Variants in RBFOX3 observed in about 807,000 individuals in gnomAD.
RBFOX3 encodes RNA binding protein fox-1 homolog 3.
Under a neutral mutation model 48.7 loss-of-function variants are expected in RBFOX3, and 17 were observed. That is an observed-to-expected ratio of 0.35 (90% CI 0.24 to 0.52). The LOEUF (loss-of-function observed/expected upper bound fraction) is 0.52. Among genes scored for constraint, RBFOX3 ranks in the 20% least tolerant of loss-of-function variants. The pLI, the probability that RBFOX3 is intolerant of heterozygous loss-of-function variation, is 0.94. For synonymous variants in RBFOX3, 212 were observed against 209.5 expected (o/e 1.01, Z -0.10); for missense variants, 382 against 497.5 (o/e 0.77, Z 2.21).
At chr17:79,379,864 A>C (rs908472944) in intron 2 of RBFOX3, among the ~76,000 whole-genome samples, 1 of 152,096 alleles carries the variant, frequency 6.6e-6, no homozygotes, top group Non-Finnish European at 1.5e-5. Context: ...TACCCACCTA[A>C]GAAGCACAGA....
rs966999354 is a variant in RBFOX3, at chr17:79,553,331, C to T, written c.-320+57495G>A. On this transcript the variant is annotated intron_variant, in intron 1 of 14. Coordinates refer to ENST00000693108, the MANE Select transcript of RBFOX3 (RefSeq NM_001350451.2). ...TGCTAGAATAAACTCCAAGTAAACA[C>T]AGGGTATTATTATTTTAAGATGATG... 2.0e-3 allele frequency among the ~76,000 whole-genome samples: 300 copies of T among 152,244 alleles called. 2 individuals are homozygous for T. Among genetic ancestry groups the T allele is most frequent in the African/African-American group, 7.1e-3 (294 of 41,520 alleles).
intron 2 of RBFOX3, among the ~76,000 whole-genome samples, chr17:79,452,839 G>A (rs539951289): frequency 6.2e-4 from 95 of 152,344 alleles, no homozygotes; most frequent in Admixed American, 6.1e-3. Flanking sequence ...GGGCATTGCA[G>A]GGAAGAAACA....
chr17:79,148,636 T>C (rs1568228397), intron 4 of RBFOX3, among the ~76,000 whole-genome samples: 1 of 152,362 alleles, frequency 6.6e-6, no homozygotes, highest in South Asian at 2.1e-4. Context: ...TTACAGGTTG[T>C]TGAGAATAAA....
intron 3 of RBFOX3, among the ~76,000 whole-genome samples, chr17:79,258,753 C>G (rs1173794288): frequency 2.0e-5 from 3 of 152,188 alleles, no homozygotes; most frequent in African/African-American, 7.2e-5. Context: ...GCTGAAGACC[C>G]TGTTCAGGAA....
At chr17:79,377,548 G>C (rs181112334) in intron 2 of RBFOX3, among the ~76,000 whole-genome samples, 1 of 152,194 alleles carries the variant, frequency 6.6e-6, no homozygotes, top group African/African-American at 2.4e-5. Flanking sequence ...CTGTAGGTGC[G>C]GCGGCCGAGG....
intron 2 of RBFOX3, among the ~76,000 whole-genome samples, chr17:79,333,670 G>A (rs1598297107): frequency 6.6e-6 from 1 of 152,254 alleles, no homozygotes; most frequent in Non-Finnish European, 1.5e-5. Flanking sequence ...CCCCAGAGAG[G>A]TCTGTCTGAT....
At chr17:79,309,929 C>T (rs2145657564) in intron 2 of RBFOX3, among the ~76,000 whole-genome samples, 1 of 152,262 alleles carries the variant, frequency 6.6e-6, no homozygotes, top group Admixed American at 6.5e-5. Flanking sequence ...TATAAGTTAC[C>T]CAGTCTCAGG....
intron 2 of RBFOX3, among the ~76,000 whole-genome samples, chr17:79,324,757 C>A (rs971264435): frequency 6.6e-6 from 1 of 152,222 alleles, no homozygotes; most frequent in African/African-American, 2.4e-5. Context: ...CAAGCCAACA[C>A]CTGGCCGAGC....
chr17:79,115,379 G>A (rs1299727024), intron 5 of RBFOX3, 115 bp downstream of exon 5: 20 of 590,432 alleles, frequency 3.4e-5, no homozygotes, highest in African/African-American at 5.8e-5. Flanking sequence ...CAGAGGCCCT[G>A]CCCAGGCCCC....
chr17:79,171,481 C>G (rs759229721), intron 4 of RBFOX3, among the ~76,000 whole-genome samples: 1 of 152,138 alleles, frequency 6.6e-6, no homozygotes, highest in Non-Finnish European at 1.5e-5. Context: ...ACAGACAACA[C>G]GTAAACAAAT....
intron 1 of RBFOX3, among the ~76,000 whole-genome samples, chr17:79,530,447 G>A (rs1403230709): frequency 2.0e-4 from 31 of 152,180 alleles, no homozygotes; most frequent in Admixed American, 1.5e-3. Context: ...TGCCTCCTCC[G>A]CCTTTGTGCC....
chr17:79,514,646 C>T (rs990661625), intron 1 of RBFOX3, among the ~76,000 whole-genome samples: 15 of 152,338 alleles, frequency 9.8e-5, no homozygotes, highest in Non-Finnish European at 2.2e-4. Context: ...CCTAGTGTCC[C>T]TCAGCAACAC....
In RBFOX3 at chr17:79,249,079, C is replaced by CA. The variant is rs1302060528; in HGVS notation, c.-73-13275dup. On this transcript the variant is annotated intron_variant, in intron 3 of 14. Coordinates refer to ENST00000693108, the MANE Select transcript of RBFOX3 (RefSeq NM_001350451.2). The surrounding 1 kb of genome is among the most constrained non-coding windows in gnomAD (Gnocchi z 4.1). ...AGCGAGGCTGCCTCCCCTGGGTCGGCAACGCCACCTCGCTTCCTGCAGCTG... is the reference window on the plus strand; with the variant it reads ...AGCGAGGCTGCCTCCCCTGGGTCGGCAAACGCCACCTCGCTTCCTGCAGCTG... Among the ~76,000 whole-genome samples, 3 of 152,174 alleles carry CA rather than the reference C, an allele frequency of 2.0e-5. No individual in the cohort carries two copies. The highest frequency in any genetic ancestry group is 4.4e-5 in the Non-Finnish European group (3 of 68,034).
In RBFOX3 at chr17:79,234,219, G is replaced by A. The variant is rs543351761; in HGVS notation, c.-34+1547C>T. On this transcript the variant is annotated intron_variant, in intron 4 of 14. Transcript: ENST00000693108. The stretch of plus-strand genomic sequence containing the variant: ...GGGACCCCCTGGGCTCTGTCTCTTT[G>A]TCCTCTTCCTGCTAGAAAGCCGGAG... 3 of 152,378 alleles carry A rather than the reference G, an allele frequency of 2.0e-5. No homozygotes were observed. In the South Asian group the frequency reaches 6.2e-4, roughly 32 times the overall value. 9.4% of individuals were successfully genotyped at this position (152,378 alleles called of 1,614,324 possible).
chr17:79,540,446 C>T (rs1287392790), intron 1 of RBFOX3, among the ~76,000 whole-genome samples: 2 of 152,226 alleles, frequency 1.3e-5, no homozygotes, highest in African/African-American at 2.4e-5. Context: ...AGGTGCATGG[C>T]GTCCAGGCCC....
At chr17:79,651,755 C>CTCTT in the RBFOX3 span, among the ~76,000 whole-genome samples, 1 of 138,778 alleles carries the variant, frequency 7.2e-6, no homozygotes, top group Non-Finnish European at 1.6e-5. Context: ...CTGCCTTTCT[C>CTCTT]TCTGTCTCCC....
intron 2 of RBFOX3, among the ~76,000 whole-genome samples, chr17:79,366,435 C>T (rs974669816): frequency 1.3e-5 from 2 of 152,220 alleles, no homozygotes; most frequent in Admixed American, 6.5e-5. Context: ...GCAGCTAACG[C>T]CTGCTCTAAA....
At chr17:79,130,028 C>T (rs539376612) in intron 4 of RBFOX3, among the ~76,000 whole-genome samples, 8 of 152,284 alleles carry the variant, frequency 5.3e-5, no homozygotes, top group South Asian at 4.1e-4. Flanking sequence ...GGCTGGGCAG[C>T]GCTGCTTGCT....
chr17:79,486,746 G>C (rs1389718368), intron 1 of RBFOX3, among the ~76,000 whole-genome samples: 1 of 152,200 alleles, frequency 6.6e-6, no homozygotes, highest in Non-Finnish European at 1.5e-5. Context: ...TCCTACAAAG[G>C]GTGAGGGCTG....
Sources: gnomAD v4.1 joint callset for allele counts (sites outside exome capture counted in the v4.1 genomes callset) on GRCh38, gnomAD v4.1.1 for gene constraint, Gnocchi (gnomAD v3.1) non-coding constraint, MANE v1.5 for transcripts, NCBI Gene and HGNC (gene_info 2026-07-23, HGNC 2026-07-21) for gene names.